Variants in ADGRG1 observed in about 807,000 individuals in gnomAD.
ADGRG1 encodes the protein adhesion G protein-coupled receptor G1.
A neutral mutation model predicts 73.5 loss-of-function variants in ADGRG1; 53 were observed. That is an observed-to-expected ratio of 0.72 (90% CI 0.58 to 0.91). The LOEUF is 0.91. Among genes scored for constraint, ADGRG1 ranks in the 40% least tolerant of loss-of-function variants. The pLI is 0.00. For missense variants in ADGRG1, 795 were observed against 871.8 expected (o/e 0.91, Z 1.11); for synonymous variants, 394 against 374.4 (o/e 1.05, Z -0.60).
chr16:57,649,970 G>C (rs767053127), intron 1 of ADGRG1: 1 of 167,918 alleles, frequency 6.0e-6, no homozygotes, highest in Non-Finnish European at 1.2e-5. Context: ...GTAGAGATAG[G>C]GTCTCACTGT....
Position 57,663,885 on chromosome 16 carries a change from A to C in ADGRG1, c.*303A>C. On this transcript the variant is annotated 3_prime_UTR_variant, in exon 14 of 14. Transcript: ENST00000562631. Reference sequence around the variant, plus strand: ...GCTGGAGGCCTGGTCTCTCCTTACAACCCCTGGGCCCAGCCCTCATTGCTG... The same window carrying C: ...GCTGGAGGCCTGGTCTCTCCTTACACCCCCTGGGCCCAGCCCTCATTGCTG... The C allele has an allele frequency of 8.5e-6, 4 of 468,440 alleles. No homozygotes were observed. Among genetic ancestry groups the C allele is most frequent in the East Asian group, 4.2e-5 (1 of 23,778 alleles). The allele number at this position is 468,440 out of a possible 1,614,324, so 29.0% of individuals were successfully genotyped here.
chr16:57,653,629 A>C, intron 4 of ADGRG1: 3 of 970,104 alleles, frequency 3.1e-6, no homozygotes, highest in Non-Finnish European at 3.7e-6. Flanking sequence ...GAGACGGCAG[A>C]GCCGCTCCAA....
chr16:57,633,889 G>A (rs2038670189), intron 1 of ADGRG1, among the ~76,000 whole-genome samples: 1 of 152,220 alleles, frequency 6.6e-6, no homozygotes, highest in African/African-American at 2.4e-5. Context: ...CATTCCTGGG[G>A]TCTTGATCTG....
chr16:57,655,580 G>A (rs116918741), intron 6 of ADGRG1, 50 bp downstream of exon 6: 2 of 1,611,754 alleles, frequency 1.2e-6, no homozygotes, highest in East Asian at 2.2e-5. Context: ...GTTTTTTTCT[G>A]ACAGAGGTGG....
chr16:57,637,740 G>T, intron 1 of ADGRG1: 2 of 976,238 alleles, frequency 2.0e-6, no homozygotes, highest in Non-Finnish European at 2.4e-6. Context: ...ACGGAGGGGC[G>T]GGGGAGAAGG....
At chr16:57,656,419 G>T (rs2045746291) in intron 8 of ADGRG1, 95 bp from the exon 9 acceptor site, 2 of 1,607,352 alleles carry the variant, frequency 1.2e-6, no homozygotes, top group Non-Finnish European at 1.7e-6. Flanking sequence ...GAGTAGGCCG[G>T]GTGGAAGAAT....
chr16:57,623,730 G>A (rs911935706), upstream of ADGRG1: 25 of 922,030 alleles, frequency 2.7e-5, no homozygotes, highest in Admixed American at 1.2e-4. Flanking sequence ...CATGTGCAAC[G>A]CAATCCCTGC....
rs780373424 is a variant in ADGRG1 at position 57,657,381 on chromosome 16, G to A, written c.1176G>A (p.Ser392=). ...CTGTCTCCTGGGGCCAGGTCTCCTCGGTGGAGGTGGACGCCGTGCACAAGC... is the reference window on the plus strand; with the variant it reads ...CTGTCTCCTGGGGCCAGGTCTCCTCAGTGGAGGTGGACGCCGTGCACAAGC... ...LTYFAVLMVS[S]VEVDAVHKHY... Residue 392 remains serine (S), a synonymous_variant, in exon 10 of 14, where the codon TCG becomes TCA. Transcript: ENST00000562631. 29 of 1,613,858 alleles carry A rather than the reference G, an allele frequency of 1.8e-5. No homozygotes were observed. Among genetic ancestry groups the A allele is most frequent in the East Asian group, 1.3e-4 (6 of 44,874 alleles).
At chr16:57,641,687 T>A (rs1266808006) in intron 1 of ADGRG1, 3 of 321,138 alleles carry the variant, frequency 9.3e-6, no homozygotes, top group Non-Finnish European at 1.3e-5. Context: ...TGCCTCAGCC[T>A]CCCGAGTAGC....
chr16:57,656,327 TG>T, intron 8 of ADGRG1, 56 bp downstream of exon 8: 4 of 1,074,908 alleles, frequency 3.7e-6, no homozygotes, highest in South Asian at 1.2e-5. Flanking sequence ...AATAGAGTCC[TG>T]GGGGGTGGGG....
At chr16:57,640,022 C>A (rs1473528627) in intron 1 of ADGRG1, 6 of 215,212 alleles carry the variant, frequency 2.8e-5, no homozygotes, top group African/African-American at 4.7e-5. Context: ...GCTGAAGATT[C>A]TTTTGGGTCC....
At chr16:57,661,018 A>T in intron 12 of ADGRG1, 142 bp downstream of exon 12, 1 of 716,722 alleles carries the variant, frequency 1.4e-6, no homozygotes, top group Non-Finnish European at 2.5e-6. Context: ...TGGCTGAAGC[A>T]CTGGTCTAAG....
chr16:57,646,656 T>C (rs2042726452), intron 1 of ADGRG1: 1 of 985,214 alleles, frequency 1.0e-6, no homozygotes, highest in Non-Finnish European at 1.2e-6. Context: ...TTGGGAAGGA[T>C]GTGCATCTCT....
rs1447403437 is a variant in ADGRG1, at chr16:57,665,338, T to C, written c.*1756T>C. The stretch of plus-strand genomic sequence containing the variant: ...TCATCAGCTCCAGCTGGTCACTACC[T>C]TGCAGGGATGAGGGCCCATGTAGCC... On this transcript the variant is annotated 3_prime_UTR_variant, in exon 14 of 14. Coordinates refer to ENST00000562631, the MANE Select transcript of ADGRG1 (RefSeq NM_201525.4). 6.6e-6 allele frequency: 1 copy of C among 152,170 alleles called. No homozygotes were observed. The highest frequency in any genetic ancestry group is 1.5e-5 in the Non-Finnish European group (1 of 68,044). 9.4% of individuals were successfully genotyped at this position (152,170 alleles called of 1,614,324 possible).
At chr16:57,655,249 G>A in intron 5 of ADGRG1, 150 bp from the exon 6 acceptor site, 1 of 1,554,212 alleles carries the variant, frequency 6.4e-7, no homozygotes, top group Non-Finnish European at 8.7e-7. Flanking sequence ...GGATGAGGAG[G>A]GCTGTCATGA....
chr16:57,653,809 C>T (rs559055990), intron 4 of ADGRG1, 177 bp from the exon 5 acceptor site: 113 of 984,982 alleles, frequency 1.1e-4, no homozygotes, highest in Non-Finnish European at 1.3e-4. Flanking sequence ...CAGATGCCTG[C>T]TTTTCTCTTT....
At chr16:57,638,665 G>A (rs1338689946) in intron 1 of ADGRG1, among the ~76,000 whole-genome samples, 3 of 152,232 alleles carry the variant, frequency 2.0e-5, no homozygotes, top group African/African-American at 7.2e-5. Flanking sequence ...TGGGATTAGA[G>A]GGTGTTCAGC....
At chr16:57,644,766 G>GCA (rs1288404079) in intron 1 of ADGRG1, among the ~76,000 whole-genome samples, 1 of 126,346 alleles carries the variant, frequency 7.9e-6, no homozygotes, top group Non-Finnish European at 1.6e-5. Context: ...ACACACCCAT[G>GCA]CACACACACA....
chr16:57,647,403 CA>C, intron 1 of ADGRG1: 1 of 985,012 alleles, frequency 1.0e-6, no homozygotes, highest in Non-Finnish European at 1.2e-6. Flanking sequence ...GTGACAGGCC[CA>C]GGGGGCTGAG....
Sources: allele counts gnomAD v4.1 joint callset (sites outside exome capture counted in the v4.1 genomes callset), GRCh38; gene constraint gnomAD v4.1.1; transcripts MANE v1.5; gene names NCBI Gene and HGNC (gene_info 2026-07-23, HGNC 2026-07-21).